MMP26: variants seen among roughly 807,000 people sequenced by gnomAD.
MMP26 encodes matrix metallopeptidase 26, also known as matrix metalloproteinase-26.
MMP26 carries 33 observed loss-of-function variants against 31.0 expected under a neutral mutation model. The observed-to-expected ratio is 1.06, with a 90% CI of 0.81 to 1.42. The LOEUF (loss-of-function observed/expected upper bound fraction) is 1.42, where lower values mean the gene tolerates loss of function less well. MMP26 is among the 40% of genes most tolerant of loss of function. The pLI is 0.00. For synonymous variants in MMP26, 122 were observed against 114.9 expected, an observed-to-expected ratio of 1.06 and a Z score of -0.40; for missense variants, 347 against 316.1, an observed-to-expected ratio of 1.10 and a Z score of -0.74.
At chr11:4,982,817 A>C (rs1468457532) in intron 2 of MMP26, among the ~76,000 whole-genome samples, 1 of 152,166 alleles carries the variant, frequency 6.6e-6, no homozygotes, top group Non-Finnish European at 1.5e-5. Flanking sequence ...CCTATACTCT[A>C]ATCAAAAGAA....
intron 1 of MMP26, chr11:4,723,285 C>A: frequency 1.9e-6 from 2 of 1,029,306 alleles, no homozygotes; most frequent in East Asian, 2.4e-5. Flanking sequence ...TTGTGCGCTG[C>A]GGGTCATCCT....
At chr11:4,709,653 A>G (rs1415331765) in intron 1 of MMP26, 2 of 457,170 alleles carry the variant, frequency 4.4e-6, no homozygotes, top group East Asian at 6.9e-5. Context: ...TCAGATCTGG[A>G]CCTCCATCCC....
At chr11:4,907,717 A>G in intron 2 of MMP26, 1 of 1,613,940 alleles carries the variant, frequency 6.2e-7, no homozygotes, top group Non-Finnish European at 8.5e-7. Flanking sequence ...CAGTACTTCT[A>G]ATTATGTCTT....
intron 2 of MMP26, chr11:4,832,574 C>T (rs747080957): frequency 1.3e-5 from 2 of 152,994 alleles, no homozygotes; most frequent in Non-Finnish European, 2.9e-5. Context: ...GCAAATTGGA[C>T]TGGCTTTTGC....
intron 5 of MMP26, 43 bp from the exon 6 acceptor site, chr11:4,991,328 C>G: frequency 6.3e-7 from 1 of 1,588,672 alleles, no homozygotes; most frequent in Non-Finnish European, 8.6e-7. Flanking sequence ...GCCTTTGTTT[C>G]TACCTCCACC....
At position 4,784,341 on chromosome 11, in the gene MMP26, G is replaced by C. The variant is rs182618938; in HGVS notation, c.-145+17000G>C. ...GTAGGAATCAGAATTAGCCTTAAAA[G>C]ATACTCTAGTGGATCGAATGGTGTA... On this transcript the variant is annotated intron_variant, in intron 2 of 7. Transcript: ENST00000380390. Among the ~76,000 whole-genome samples, 230 of 152,344 alleles carry C rather than the reference G, an allele frequency of 1.5e-3. 2 individuals carry two copies. The highest frequency in any genetic ancestry group is 5.0e-3 in the African/African-American group (210 of 41,588).
intron 2 of MMP26, among the ~76,000 whole-genome samples, chr11:4,958,599 A>C (rs1846476333): frequency 6.6e-6 from 1 of 152,026 alleles, no homozygotes; most frequent in Admixed American, 6.5e-5. Flanking sequence ...ATTTATATCC[A>C]TCTATCATCT....
intron 2 of MMP26, among the ~76,000 whole-genome samples, chr11:4,781,977 G>A (rs925131228): frequency 6.6e-6 from 1 of 152,170 alleles, no homozygotes; most frequent in African/African-American, 2.4e-5. Context: ...CTAGCCAAAT[G>A]GAACTGTAAG....
intron 2 of MMP26, among the ~76,000 whole-genome samples, chr11:4,926,103 A>C (rs1185365206): frequency 6.6e-6 from 1 of 152,212 alleles, no homozygotes; most frequent in Non-Finnish European, 1.5e-5. Flanking sequence ...TCTACTGAAG[A>C]AAGAATACAA....
intron 1 of MMP26, among the ~76,000 whole-genome samples, chr11:4,715,404 A>G (rs1230813264): frequency 6.6e-6 from 1 of 151,614 alleles, no homozygotes; most frequent in Admixed American, 6.6e-5. Flanking sequence ...GACTTAGAGT[A>G]GGTGATGCCA....
At chr11:4,797,575 T>G (rs1849124928) in intron 2 of MMP26, among the ~76,000 whole-genome samples, 1 of 152,130 alleles carries the variant, frequency 6.6e-6, no homozygotes, top group African/African-American at 2.4e-5. Context: ...GGAAACCAAT[T>G]AAAGTGGGGA....
chr11:4,907,915 G>T, intron 2 of MMP26: 2 of 1,614,026 alleles, frequency 1.2e-6, no homozygotes, highest in Non-Finnish European at 1.7e-6. Flanking sequence ...GTCTTCATCA[G>T]GATACCATGA....
At position 4,776,936 on chromosome 11, in the gene MMP26, A is replaced by G. The variant is rs929856480; in HGVS notation, c.-145+9595A>G. On this transcript the variant is annotated intron_variant, in intron 2 of 7. Coordinates refer to ENST00000380390, the MANE Select transcript of MMP26 (RefSeq NM_021801.5). The stretch of plus-strand genomic sequence containing the variant: ...TGAAAACAGCCTAATACAATTAGTG[A>G]TGTTGAGGAGTTAAACTTAAAAAAT... Among the ~76,000 whole-genome samples the G allele has an allele frequency of 2.6e-5, 4 of 152,234 alleles. No homozygotes were observed. The East Asian group carries it at 7.7e-4, about 29-fold the overall frequency.
intron 1 of MMP26, among the ~76,000 whole-genome samples, chr11:4,750,111 C>G (rs998345488): frequency 1.3e-5 from 2 of 151,832 alleles, no homozygotes; most frequent in African/African-American, 4.8e-5. Flanking sequence ...ACTATTAAAA[C>G]GTGGGCAAAG....
chr11:4,882,064 G>C (rs1850474361), intron 2 of MMP26: 1 of 1,613,682 alleles, frequency 6.2e-7, no homozygotes. Context: ...TTACTAAGCG[G>C]AGACTCCACA....
intron 1 of MMP26, chr11:4,724,222 G>A (rs958827933): frequency 7.6e-5 from 36 of 472,232 alleles, no homozygotes; most frequent in Non-Finnish European, 1.2e-4. Context: ...CCAGGTGGAT[G>A]GGCCTTTGAT....
chr11:4,829,419 A>T (rs944556890), intron 2 of MMP26, among the ~76,000 whole-genome samples: 2 of 152,182 alleles, frequency 1.3e-5, no homozygotes, highest in Admixed American at 6.6e-5. Context: ...ACTTTGTTTC[A>T]GGCCAATAGT....
rs77881771 is a variant in MMP26 at position 4,769,963 on chromosome 11, A to G, written c.-145+2622A>G. 3,321 of 909,466 alleles carry G rather than the reference A, an allele frequency of 3.7e-3. 65 individuals are homozygous for G. In the African/African-American group the frequency reaches 0.041, roughly 11 times the overall value. 56.3% of individuals were successfully genotyped at this position (909,466 alleles called of 1,614,324 possible). ...TTTGTCCTCACAATGCTTCCATCCT[A>G]TAGAAGTGATACATTAAGTGTTATG... is the stretch of plus-strand genomic sequence containing the variant. On this transcript the variant is annotated intron_variant, in intron 2 of 7. Transcript: ENST00000380390.
intron 2 of MMP26, among the ~76,000 whole-genome samples, chr11:4,977,419 T>C (rs138592423): frequency 6.6e-6 from 1 of 152,132 alleles, no homozygotes; most frequent in Admixed American, 6.6e-5. Context: ...TAACAACCTA[T>C]TGACGGGCCA....
Sources: allele counts gnomAD v4.1 joint callset (sites outside exome capture counted in the v4.1 genomes callset), GRCh38; gene constraint gnomAD v4.1.1; transcripts MANE v1.5; gene names NCBI Gene and HGNC (gene_info 2026-07-23, HGNC 2026-07-21).